The following OPA1 variants were observed in gnomAD, a reference collection of about 807,000 sequenced individuals.
The protein encoded by OPA1 is OPA1 mitochondrial dynamin like GTPase, also known as dynamin-like GTPase OPA1, mitochondrial.
OPA1 carries 59 observed loss-of-function variants against 152.9 expected under a neutral mutation model. That is an observed-to-expected ratio of 0.39 (90% confidence interval 0.31 to 0.48). The LOEUF (loss-of-function observed/expected upper bound fraction) is 0.48. Among genes scored for constraint, OPA1 ranks in the 20% least tolerant of loss-of-function variants. OPA1 has a pLI of 0.96. For missense variants in OPA1, 1,008 were observed against 1,216.8 expected (o/e 0.83, Z 2.55); for synonymous variants, 400 against 389.9 (o/e 1.03, Z -0.31).
intron 23 of OPA1, among the ~76,000 whole-genome samples, chr3:193,657,655 T>C (rs1340258064): frequency 6.6e-6 from 1 of 152,208 alleles, no homozygotes; most frequent in African/African-American, 2.4e-5. Context: ...GAATGCTTAC[T>C]ATGTGCCAGG....
intron 1 of OPA1, among the ~76,000 whole-genome samples, chr3:193,603,854 C>T (rs151099042): frequency 6.6e-6 from 1 of 152,136 alleles, no homozygotes; most frequent in Non-Finnish European, 1.5e-5. Context: ...TATAGCAACA[C>T]GAGGGGCCAC....
chr3:193,642,193 T>A (rs1733877973), intron 11 of OPA1, among the ~76,000 whole-genome samples: 1 of 152,220 alleles, frequency 6.6e-6, no homozygotes, highest in Non-Finnish European at 1.5e-5. Flanking sequence ...CGTAGCTCCC[T>A]TATCATCAGT....
chr3:193,625,014 A>C (rs549546040), intron 6 of OPA1, among the ~76,000 whole-genome samples: 1 of 152,260 alleles, frequency 6.6e-6, no homozygotes, highest in African/African-American at 2.4e-5. Flanking sequence ...TTCTTAAACA[A>C]ATGGTTACCT....
chr3:193,637,495 C>T (rs1733135545), intron 10 of OPA1, among the ~76,000 whole-genome samples: 1 of 151,022 alleles, frequency 6.6e-6, no homozygotes, highest in Non-Finnish European at 1.5e-5. Context: ...AATATAAGTA[C>T]ATTATATTTA....
chr3:193,640,833 A>G (rs547697454), intron 11 of OPA1, among the ~76,000 whole-genome samples: 1 of 152,304 alleles, frequency 6.6e-6, no homozygotes, highest in East Asian at 1.9e-4. Context: ...AGTGGGAGAA[A>G]GACAGTGAGG....
intron 29 of OPA1, among the ~76,000 whole-genome samples, chr3:193,679,471 G>T (rs1323327645): frequency 2.0e-5 from 3 of 152,072 alleles, no homozygotes; most frequent in Non-Finnish European, 4.4e-5. Context: ...TGTCTGTAAA[G>T]TCATATGAGG....
intron 7 of OPA1, among the ~76,000 whole-genome samples, chr3:193,630,921 TGA>T (rs934713870): frequency 6.6e-5 from 10 of 152,204 alleles, no homozygotes; most frequent in African/African-American, 2.4e-4. Flanking sequence ...ACAATACCTG[TGA>T]GTTTTATTTT....
At chr3:193,648,646 A>ATT (rs985214439) in intron 20 of OPA1, 149 bp from the exon 21 acceptor site, 5 of 603,510 alleles carry the variant, frequency 8.3e-6, no homozygotes, top group African/African-American at 7.4e-5. Context: ...CCTAAAAAAA[A>ATT]ACACTAGAAG....
chr3:193,629,189 A>G (rs1731679038), intron 7 of OPA1, among the ~76,000 whole-genome samples: 1 of 151,904 alleles, frequency 6.6e-6, no homozygotes, highest in Non-Finnish European at 1.5e-5. Context: ...CTGGGATTAC[A>G]GGCATGAGCC....
intron 29 of OPA1, among the ~76,000 whole-genome samples, chr3:193,684,637 G>T (rs1720682191): frequency 6.6e-6 from 1 of 151,934 alleles, no homozygotes; most frequent in Non-Finnish European, 1.5e-5. Flanking sequence ...TTTTAGTAGA[G>T]ATGGGTTTTC....
At chr3:193,607,522 A>G (rs888278219) in intron 1 of OPA1, among the ~76,000 whole-genome samples, 4 of 152,192 alleles carry the variant, frequency 2.6e-5, no homozygotes, top group African/African-American at 4.8e-5. Flanking sequence ...TAAATAGGGA[A>G]TCGTTTCCCC....
rs774265172 is a variant in OPA1 at position 193,643,955 on chromosome 3, C to T, written c.1478-20C>T. ...TTTACATCTTAAAATTCCACAGTGT[C>T]ATTTTTTTATTTTTTTCAGATGGAT... On this transcript the variant is annotated intron_variant, in intron 15 of 30. Transcript: ENST00000361510. The T allele has an allele frequency of 1.9e-6, 3 of 1,612,628 alleles. No individual in the cohort carries two copies. Among genetic ancestry groups the T allele is most frequent in the South Asian group, 2.2e-5 (2 of 90,916 alleles).
chr3:193,631,551 A>C, intron 7 of OPA1, 61 bp from the exon 8 acceptor site: 5 of 1,246,592 alleles, frequency 4.0e-6, no homozygotes, highest in Non-Finnish European at 5.8e-6. Flanking sequence ...AAAAAATTTA[A>C]CTTGCTGTAC....
At chr3:193,672,575 C>G (rs35414464) in intron 29 of OPA1, among the ~76,000 whole-genome samples, 2 of 152,072 alleles carry the variant, frequency 1.3e-5, no homozygotes, top group African/African-American at 4.8e-5. Context: ...GCTCTAAGAC[C>G]TAAGGAGTCT....
intron 1 of OPA1, among the ~76,000 whole-genome samples, chr3:193,610,759 C>T (rs994286226): frequency 6.6e-6 from 1 of 152,384 alleles, no homozygotes; most frequent in East Asian, 1.9e-4. Context: ...CCCAGCCTCG[C>T]TGCCACCTTG....
At chr3:193,693,979 A>G (rs1172367912) in intron 30 of OPA1, among the ~76,000 whole-genome samples, 1 of 152,170 alleles carries the variant, frequency 6.6e-6, no homozygotes, top group African/African-American at 2.4e-5. Context: ...TAAAAAGACA[A>G]GCTGTATTTC....
chr3:193,686,073 T>C (rs1244074038), intron 29 of OPA1, among the ~76,000 whole-genome samples: 2 of 152,356 alleles, frequency 1.3e-5, no homozygotes, highest in East Asian at 3.9e-4. Context: ...AATGTTTCTT[T>C]CATTATTAAT....
chr3:193,593,555 G>C, intron 1 of OPA1, 146 bp downstream of exon 1: 2 of 863,588 alleles, frequency 2.3e-6, no homozygotes, highest in Non-Finnish European at 3.3e-6. Flanking sequence ...TGAGGACCCA[G>C]AATGACAGGA....
chr3:193,598,397 A>C (rs576092810), intron 1 of OPA1, among the ~76,000 whole-genome samples: 1 of 152,310 alleles, frequency 6.6e-6, no homozygotes, highest in East Asian at 1.9e-4. Context: ...CTTCTAGCAG[A>C]GAGTGGAAGA....
Sources: gnomAD v4.1 joint callset for allele counts (sites outside exome capture counted in the v4.1 genomes callset) on GRCh38, gnomAD v4.1.1 for gene constraint, MANE v1.5 for transcripts, NCBI Gene and HGNC (gene_info 2026-07-23, HGNC 2026-07-21) for gene names.